SYK: variants seen among roughly 807,000 people sequenced by gnomAD.
SYK encodes the protein spleen associated tyrosine kinase.
In SYK, 16 loss-of-function variants were observed where a neutral mutation model predicts 77.8. The ratio of observed to expected loss-of-function variants is 0.21; its 90% CI spans 0.14 to 0.31. The LOEUF (loss-of-function observed/expected upper bound fraction) is 0.31, where lower values mean the gene tolerates loss of function less well. SYK is among the 10% of genes least tolerant of loss of function. SYK has a pLI of 1.00. For missense variants in SYK, 529 were observed against 814.4 expected, an observed-to-expected ratio of 0.65 and a Z score of 4.26; for synonymous variants, 312 against 308.7, an observed-to-expected ratio of 1.01 and a Z score of -0.11.
chr9:90,892,665 C>T (rs1828840692), intron 13 of SYK, among the ~76,000 whole-genome samples: 1 of 152,202 alleles, frequency 6.6e-6, no homozygotes, highest in Non-Finnish European at 1.5e-5. Context: ...AAGCCTTCCA[C>T]TGTAGTGTTT....
intron 3 of SYK, among the ~76,000 whole-genome samples, chr9:90,852,147 G>A (rs1414578849): frequency 1.3e-5 from 2 of 152,024 alleles, no homozygotes; most frequent in African/African-American, 4.8e-5. Flanking sequence ...CTTCCTCTAG[G>A]TTCACACTTC....
intron 1 of SYK, among the ~76,000 whole-genome samples, chr9:90,809,577 C>T (rs148613599): frequency 2.3e-3 from 346 of 152,290 alleles, no homozygotes; most frequent in African/African-American, 7.7e-3. Context: ...TTGTTTTGAT[C>T]TTTGTGGCTT....
intron 3 of SYK, among the ~76,000 whole-genome samples, chr9:90,854,151 T>A (rs1292269260): frequency 6.6e-6 from 1 of 152,170 alleles, no homozygotes; most frequent in African/African-American, 2.4e-5. Flanking sequence ...TCCTTGATGG[T>A]GGCAGACTGG....
At chr9:90,846,784 C>T (rs7030222) in intron 3 of SYK, among the ~76,000 whole-genome samples, 26,786 of 151,322 alleles carry the variant, frequency 0.18, 2,548 homozygotes, top group Middle Eastern at 0.25. Flanking sequence ...TAGTGGGATG[C>T]AGCCCCAGCC....
In SYK at chr9:90,896,618, C is replaced by T; in HGVS notation, c.*1018C>T. The T allele has an allele frequency of 4.3e-6, 1 of 232,954 alleles. No homozygotes were observed. The highest frequency in any genetic ancestry group is 8.5e-6 in the Non-Finnish European group (1 of 117,856). The allele number at this position is 232,954 out of a possible 1,614,324, so 14.4% of individuals were successfully genotyped here. On this transcript the variant is annotated 3_prime_UTR_variant, in exon 14 of 14. Coordinates refer to ENST00000375754, the MANE Select transcript of SYK (RefSeq NM_003177.7). ...AAGCCAAAGACCCTGAGCCTCACCA[C>T]AAACAGGCCTTTTGGAGTGTGAATT...
At chr9:90,860,127 T>G (rs1275271626) in intron 3 of SYK, among the ~76,000 whole-genome samples, 1 of 152,240 alleles carries the variant, frequency 6.6e-6, no homozygotes, top group Non-Finnish European at 1.5e-5. Context: ...GTGCTAGGAT[T>G]ACAGATGTGT....
chr9:90,848,439 C>T (rs1365230127), intron 3 of SYK, among the ~76,000 whole-genome samples: 1 of 152,226 alleles, frequency 6.6e-6, no homozygotes, highest in African/African-American at 2.4e-5. Flanking sequence ...GGTTTTGAAT[C>T]ATCCAAATCT....
At chr9:90,846,841 G>A (rs1826616060) in intron 3 of SYK, among the ~76,000 whole-genome samples, 2 of 152,196 alleles carry the variant, frequency 1.3e-5, no homozygotes, top group Admixed American at 6.5e-5. Context: ...CTCAGTGGAG[G>A]CACCTATGGC....
chr9:90,809,684 T>A (rs1564066195), intron 1 of SYK, among the ~76,000 whole-genome samples: 1 of 152,352 alleles, frequency 6.6e-6, no homozygotes, highest in Non-Finnish European at 1.5e-5. Flanking sequence ...TATGCATGCC[T>A]TCCTTCCATA....
At chr9:90,875,741 G>T (rs974369904) in intron 9 of SYK, among the ~76,000 whole-genome samples, 2 of 151,980 alleles carry the variant, frequency 1.3e-5, no homozygotes, top group African/African-American at 2.4e-5. Flanking sequence ...GCTAAATTTC[G>T]AAAATATCTT....
At chr9:90,841,850 AGT>A (rs1343232352) in intron 1 of SYK, among the ~76,000 whole-genome samples, 4 of 92,580 alleles carry the variant, frequency 4.3e-5, no homozygotes, top group African/African-American at 8.2e-5. Context: ...TTGTGTGTGC[AGT>A]GTGTTATGTG....
At chr9:90,871,502 A>G (rs1379934869) in intron 7 of SYK, among the ~76,000 whole-genome samples, 1 of 152,210 alleles carries the variant, frequency 6.6e-6, no homozygotes, top group Non-Finnish European at 1.5e-5. Flanking sequence ...ATTCTTTACA[A>G]ACTCCTCAAA....
chr9:90,829,154 G>A (rs919843837), intron 1 of SYK, among the ~76,000 whole-genome samples: 2 of 152,070 alleles, frequency 1.3e-5, no homozygotes, highest in East Asian at 1.9e-4. Context: ...GCTGGGTGTG[G>A]TGGTGTGCGC....
intron 1 of SYK, among the ~76,000 whole-genome samples, chr9:90,802,198 A>C (rs927468318): frequency 1.3e-5 from 2 of 152,072 alleles, no homozygotes; most frequent in Non-Finnish European, 2.9e-5. Context: ...GGGAGCGCGG[A>C]AAGTGCGGTC....
chr9:90,848,647 A>G (rs1826692278), intron 3 of SYK, among the ~76,000 whole-genome samples: 1 of 152,100 alleles, frequency 6.6e-6, no homozygotes, highest in Non-Finnish European at 1.5e-5. Context: ...CTTTCCAATC[A>G]TCATGTCAGC....
At chr9:90,879,141 G>A (rs1828054275) in intron 11 of SYK, among the ~76,000 whole-genome samples, 188 bp downstream of exon 11, 1 of 152,146 alleles carries the variant, frequency 6.6e-6, no homozygotes, top group Admixed American at 6.5e-5. Flanking sequence ...ATCACACCTT[G>A]AGATTTACTC....
intron 1 of SYK, among the ~76,000 whole-genome samples, chr9:90,816,655 C>G (rs935804594): frequency 6.6e-6 from 1 of 152,238 alleles, no homozygotes; most frequent in Non-Finnish European, 1.5e-5. Context: ...TAATCCTCCT[C>G]TCTATCTGCA....
At chr9:90,806,678 A>G (rs1006045343) in intron 1 of SYK, among the ~76,000 whole-genome samples, 3 of 152,214 alleles carry the variant, frequency 2.0e-5, no homozygotes, top group African/African-American at 7.2e-5. Flanking sequence ...TAATTATTGA[A>G]AATATTTCTC....
chr9:90,897,444 A>C lies in SYK; in HGVS notation c.*1844A>C. The C allele has an allele frequency of 4.3e-6, 1 of 232,372 alleles. No individual in the cohort carries two copies. Among genetic ancestry groups the C allele is most frequent in the East Asian group, 6.1e-5 (1 of 16,434 alleles). The allele number at this position is 232,372 out of a possible 1,614,324, so 14.4% of individuals were successfully genotyped here. On this transcript the variant is annotated 3_prime_UTR_variant, in exon 14 of 14. Transcript: ENST00000375754. ...GCCACAAACAGGTGTAAAATTATGAAAGGAGTGGTTGGATGTGCCAAGTTT... is the reference window on the plus strand; with the variant it reads ...GCCACAAACAGGTGTAAAATTATGACAGGAGTGGTTGGATGTGCCAAGTTT...
Sources: gnomAD v4.1 joint callset for allele counts (sites outside exome capture counted in the v4.1 genomes callset) on GRCh38, gnomAD v4.1.1 for gene constraint, MANE v1.5 for transcripts, NCBI Gene and HGNC (gene_info 2026-07-23, HGNC 2026-07-21) for gene names.